SPG11: variants seen among roughly 807,000 people sequenced by gnomAD.
SPG11 encodes spatacsin.
In SPG11, 222 loss-of-function variants were observed where a neutral mutation model predicts 274.0. That is an observed-to-expected ratio of 0.81 (90% CI 0.73 to 0.91). The LOEUF (loss-of-function observed/expected upper bound fraction) is 0.91, where lower values mean the gene tolerates loss of function less well. Ranked by LOEUF, SPG11 falls within the 40% of genes least tolerant of loss-of-function variation. The probability of loss-of-function intolerance (pLI) is 0.00; values close to 1 mark genes in which losing one functional copy is unlikely to be tolerated. For missense variants in SPG11, 3,114 were observed against 2,872.7 expected, an observed-to-expected ratio of 1.08 and a Z score of -1.92; for synonymous variants, 1,144 against 1,039.7, an observed-to-expected ratio of 1.10 and a Z score of -1.93.
At chr15:44,603,224 T>C (rs2083240929) in intron 20 of SPG11, among the ~76,000 whole-genome samples, 1 of 152,118 alleles carries the variant, frequency 6.6e-6, no homozygotes, top group East Asian at 1.9e-4. Flanking sequence ...AATTTTAACA[T>C]TTTTCTTTCA....
At chr15:44,570,388 C>A in intron 34 of SPG11, 137 bp downstream of exon 34, 1 of 1,109,344 alleles carries the variant, frequency 9.0e-7, no homozygotes, top group Non-Finnish European at 1.3e-6. Context: ...GGCTGCCCAG[C>A]CAACTCTCAA....
At chr15:44,564,156 C>A (rs1019356348) in intron 39 of SPG11, among the ~76,000 whole-genome samples, 1 of 152,114 alleles carries the variant, frequency 6.6e-6, no homozygotes, top group African/African-American at 2.4e-5. Context: ...CCACACCCAG[C>A]TAATTTTTGT....
chr15:44,594,033 G>A (rs1418384917), intron 26 of SPG11, among the ~76,000 whole-genome samples: 1 of 149,662 alleles, frequency 6.7e-6, no homozygotes, highest in African/African-American at 2.5e-5. Flanking sequence ...GCCTCCCAAA[G>A]TGCTGGGATT....
intron 28 of SPG11, among the ~76,000 whole-genome samples, chr15:44,586,205 G>A (rs931130014): frequency 8.6e-5 from 13 of 151,708 alleles, no homozygotes; most frequent in South Asian, 4.2e-4. Context: ...GGCTGCTCTC[G>A]ACCGTGCCCG....
At chr15:44,598,594 T>C (rs2083103828) in intron 22 of SPG11, 37 bp downstream of exon 22, 2 of 1,591,312 alleles carry the variant, frequency 1.3e-6, no homozygotes, top group African/African-American at 2.7e-5. Flanking sequence ...CGTCACACCT[T>C]CTCTAAACAA....
chr15:44,563,007 T>A lies in SPG11; in HGVS notation c.*114A>T. 1 of 1,038,046 alleles carries A rather than the reference T, an allele frequency of 9.6e-7. No homozygotes were observed. Among genetic ancestry groups the A allele is most frequent in the South Asian group, 1.3e-5 (1 of 74,680 alleles). 64.3% of individuals were successfully genotyped at this position (1,038,046 alleles called of 1,614,324 possible). A position where few individuals can be genotyped will look rare whatever the true frequency, so the allele number is the denominator to read the frequency against. ...ACCTACTACCCACAAAGGACTGATA[T>A]GGTACAGTACCGGGATTGTTCAACT... On this transcript the variant is annotated 3_prime_UTR_variant, in exon 40 of 40. Transcript: ENST00000261866.
intron 3 of SPG11, among the ~76,000 whole-genome samples, chr15:44,657,639 G>A (rs2084979634): frequency 6.6e-6 from 1 of 152,162 alleles, no homozygotes. Flanking sequence ...TCAACATGCA[G>A]TCAGTATAAA....
At chr15:44,659,472 T>C (rs895210721) in intron 2 of SPG11, among the ~76,000 whole-genome samples, 169 bp from the exon 3 acceptor site, 1 of 151,856 alleles carries the variant, frequency 6.6e-6, no homozygotes, top group Non-Finnish European at 1.5e-5. Context: ...CACTGGGAGG[T>C]AGGTAAGAGG....
intron 38 of SPG11, 25 bp from the exon 39 acceptor site, chr15:44,564,723 C>T: frequency 6.2e-7 from 1 of 1,613,856 alleles, no homozygotes; most frequent in Non-Finnish European, 8.5e-7. Context: ...TGAAGAAGGA[C>T]ACCATCAGAG....
chr15:44,655,745 T>C (rs2084921946), intron 4 of SPG11, among the ~76,000 whole-genome samples: 2 of 152,132 alleles, frequency 1.3e-5, no homozygotes, highest in African/African-American at 4.8e-5. Context: ...ATGTGGCATT[T>C]TGATCGTGCA....
At chr15:44,645,529 A>G (rs188569877) in intron 7 of SPG11, among the ~76,000 whole-genome samples, 1 of 152,360 alleles carries the variant, frequency 6.6e-6, no homozygotes. Flanking sequence ...AAGATAACCT[A>G]GAAAATACCA....
intron 30 of SPG11, among the ~76,000 whole-genome samples, chr15:44,578,112 C>T (rs926339546): frequency 6.6e-6 from 1 of 150,982 alleles, no homozygotes; most frequent in African/African-American, 2.4e-5. Flanking sequence ...ACAAGCTCCA[C>T]CTCCCGGGTT....
At chr15:44,602,531 T>C (rs560329758) in intron 20 of SPG11, among the ~76,000 whole-genome samples, 19 of 151,726 alleles carry the variant, frequency 1.3e-4, no homozygotes, top group Admixed American at 2.0e-4. Context: ...CAGGCTGGAG[T>C]GCAATAGCGT....
chr15:44,600,406 A>G, intron 21 of SPG11, 61 bp downstream of exon 21: 1 of 1,577,344 alleles, frequency 6.3e-7, no homozygotes, highest in Non-Finnish European at 8.7e-7. Context: ...TGCTTCCCAA[A>G]GTGCTGGGAT....
At position 44,633,591 on chromosome 15, in the gene SPG11, T is replaced by C. The variant is rs529146881; in HGVS notation, c.1649A>G (p.Lys550Arg). The change falls in exon 8 of 40, where the codon AAG becomes AGG. Residue 550 changes from lysine to arginine, a missense_variant. Coordinates refer to ENST00000261866, the MANE Select transcript of SPG11 (RefSeq NM_025137.4). The part of the protein sequence containing the change: ...RQLDTVNFFL[K>R]SKENLFNPSS... The stretch of plus-strand genomic sequence containing the variant: ...TGGATTAAAAAGATTTTCCTTGCTC[T>C]TCAAAAAGAAATTTACTGTGTCCAG... 9.9e-6 allele frequency: 16 copies of C among 1,613,548 alleles called. No homozygotes were observed. Among genetic ancestry groups the C allele is most frequent in the Non-Finnish European group, 1.4e-5 (16 of 1,179,742 alleles).
At chr15:44,615,282 C>T in intron 16 of SPG11, 81 bp downstream of exon 16, 1 of 1,338,180 alleles carries the variant, frequency 7.5e-7, no homozygotes, top group Non-Finnish European at 1.1e-6. Context: ...TTACTATTTT[C>T]CTAAAAGTCA....
At position 44,643,295 on chromosome 15, in the gene SPG11, A is replaced by C. The variant is rs571571894; in HGVS notation, c.1602+5571T>G. Among the ~76,000 whole-genome samples the C allele has an allele frequency of 1.4e-4, 21 of 152,324 alleles. 1 individual carries two copies. In the South Asian group the frequency reaches 1.4e-3, roughly 11 times the overall value. On this transcript the variant is annotated intron_variant, in intron 7 of 39. Coordinates refer to ENST00000261866, the MANE Select transcript of SPG11 (RefSeq NM_025137.4). ...TATTAATAATAAGAAAATTAATGAG[A>C]TAACACTTGTCTATTATTAACATAG... is the stretch of plus-strand genomic sequence containing the variant.
At chr15:44,574,714 G>T (rs571978487) in intron 31 of SPG11, among the ~76,000 whole-genome samples, 188 bp downstream of exon 31, 6 of 152,260 alleles carry the variant, frequency 3.9e-5, no homozygotes, top group African/African-American at 1.4e-4. Flanking sequence ...GATCGCCCTG[G>T]CACCTGGCCT....
intron 9 of SPG11, 144 bp from the exon 10 acceptor site, chr15:44,628,988 C>T: frequency 1.1e-6 from 1 of 918,296 alleles, no homozygotes; most frequent in Non-Finnish European, 1.7e-6. Context: ...TTCCTTTTTA[C>T]AAGTAAGTAG....
Sources: gnomAD v4.1 joint callset for allele counts (sites outside exome capture counted in the v4.1 genomes callset) on GRCh38, gnomAD v4.1.1 for gene constraint, MANE v1.5 for transcripts, NCBI Gene and HGNC (gene_info 2026-07-23, HGNC 2026-07-21) for gene names.